Variants in MTFR2 observed in about 807,000 individuals in gnomAD.
The protein encoded by MTFR2 is DUF729 domain-containing protein 1.
A neutral mutation model predicts 41.2 loss-of-function variants in MTFR2; 44 were observed. The ratio of observed to expected loss-of-function variants is 1.07; its 90% CI spans 0.84 to 1.37. MTFR2 has a LOEUF of 1.37. Among genes scored for constraint, MTFR2 ranks in the 40% most tolerant of loss-of-function variants. The pLI is 0.00. For synonymous variants in MTFR2, 141 were observed against 154.6 expected, an observed-to-expected ratio of 0.91 and a Z score of 0.65; for missense variants, 452 against 459.5, an observed-to-expected ratio of 0.98 and a Z score of 0.15.
intron 6 of MTFR2, among the ~76,000 whole-genome samples, chr6:136,235,503 G>C (rs761813117): frequency 5.9e-5 from 9 of 152,150 alleles, no homozygotes; most frequent in Non-Finnish European, 1.3e-4. Flanking sequence ...GGACAGAGAA[G>C]AGAGGGGGCT....
At chr6:136,243,281 CATTT>C (rs1388360287) in intron 3 of MTFR2, among the ~76,000 whole-genome samples, 1 of 152,172 alleles carries the variant, frequency 6.6e-6, no homozygotes, top group Non-Finnish European at 1.5e-5. Flanking sequence ...TACCACGTAA[CATTT>C]AGGTCGATCA....
chr6:136,247,362 A>T (rs1780236644), intron 2 of MTFR2: 1 of 352,130 alleles, frequency 2.8e-6, no homozygotes, highest in Admixed American at 4.0e-5. Flanking sequence ...AAAAAAAAAA[A>T]ATCTCTTTTC....
intron 5 of MTFR2, among the ~76,000 whole-genome samples, chr6:136,240,406 T>C (rs1215354209): frequency 6.6e-6 from 1 of 151,570 alleles, no homozygotes; most frequent in East Asian, 1.9e-4. Flanking sequence ...TATGTAAATG[T>C]TATAAATATA....
intron 2 of MTFR2, among the ~76,000 whole-genome samples, chr6:136,246,339 A>G (rs1179361709): frequency 6.6e-6 from 1 of 151,384 alleles, no homozygotes; most frequent in African/African-American, 2.4e-5. Context: ...GCTGGAGTGC[A>G]GGGCATGATC....
chr6:136,239,328 A>C (rs1024911733), intron 6 of MTFR2, 138 bp downstream of exon 6: 3 of 565,738 alleles, frequency 5.3e-6, no homozygotes, highest in African/African-American at 3.8e-5. Context: ...ATTGAATGTC[A>C]TTATCTCTAG....
At chr6:136,236,032 T>G (rs964083947) in intron 6 of MTFR2, among the ~76,000 whole-genome samples, 1 of 152,204 alleles carries the variant, frequency 6.6e-6, no homozygotes, top group African/African-American at 2.4e-5. Flanking sequence ...ACCAGTGGAT[T>G]TAGCCACATG....
At chr6:136,241,903 C>G (rs1583969785) in intron 4 of MTFR2, among the ~76,000 whole-genome samples, 1 of 151,666 alleles carries the variant, frequency 6.6e-6, no homozygotes, top group Non-Finnish European at 1.5e-5. Context: ...ATGGCGAAAC[C>G]CTGTCTCTAC....
At chr6:136,246,842 C>A (rs1171037712) in intron 2 of MTFR2, among the ~76,000 whole-genome samples, 1 of 152,208 alleles carries the variant, frequency 6.6e-6, no homozygotes, top group Admixed American at 6.5e-5. Context: ...TCCATGATGA[C>A]TTCAGCTGGG....
chr6:136,233,511 A>T lies in MTFR2; in HGVS notation c.870-12T>A, dbSNP rs534665585. The T allele has an allele frequency of 4.4e-5, 65 of 1,469,678 alleles. No homozygotes were observed. The African/African-American group carries it at 8.1e-4, about 18-fold the overall frequency. 91.0% of individuals were successfully genotyped at this position (1,469,678 alleles called of 1,614,324 possible). A position where few individuals can be genotyped will look rare whatever the true frequency, so the allele number is the denominator to read the frequency against. On this transcript the variant is annotated splice_polypyrimidine_tract_variant and intron_variant, in intron 6 of 7. Coordinates refer to ENST00000420702, the MANE Select transcript of MTFR2 (RefSeq NM_001099286.3). The stretch of plus-strand genomic sequence containing the variant: ...TACCGCCAGGTGACCTATTTTTTAA[A>T]AAAAAAAATTGAATTTATTAAAACT...
At chr6:136,231,583 A>T (rs1397855376) in intron 7 of MTFR2, among the ~76,000 whole-genome samples, 195 bp from the exon 8 acceptor site, 2 of 150,126 alleles carry the variant, frequency 1.3e-5, no homozygotes, top group African/African-American at 4.9e-5. Flanking sequence ...TGAACGAGAC[A>T]CTCTCAGCGG....
intron 6 of MTFR2, among the ~76,000 whole-genome samples, chr6:136,234,016 C>A (rs9494490): frequency 0.088 from 13,334 of 151,910 alleles, 1,942 homozygotes; most frequent in African/African-American, 0.3. Context: ...GATCATTTGG[C>A]TGGTAATAAG....
chr6:136,246,241 C>A (rs1780208346), intron 2 of MTFR2, among the ~76,000 whole-genome samples: 1 of 152,064 alleles, frequency 6.6e-6, no homozygotes, highest in African/African-American at 2.4e-5. Flanking sequence ...TCCTTCATTG[C>A]CCCTGGCCAT....
rs535712111 is a variant in MTFR2, at chr6:136,249,225, G to C, written c.-54-72C>G. 3.9e-5 allele frequency: 25 copies of C among 634,280 alleles called. 1 individual carries two copies. In the South Asian group the frequency reaches 5.3e-4, roughly 13 times the overall value. 39.3% of individuals were successfully genotyped at this position (634,280 alleles called of 1,614,324 possible). Reference sequence around the variant, plus strand: ...AAATTGTACTACATAACCTGGAAAAGTCCTCTTGATACACGACACAGTCAA... The same window carrying C: ...AAATTGTACTACATAACCTGGAAAACTCCTCTTGATACACGACACAGTCAA... On this transcript the variant is annotated intron_variant, in intron 1 of 7. Transcript: ENST00000420702.
intron 7 of MTFR2, chr6:136,233,110 A>C (rs138229061): frequency 2.0e-5 from 8 of 402,114 alleles, no homozygotes; most frequent in African/African-American, 1.2e-4. Flanking sequence ...TTTCAAATTA[A>C]GTATTTTATT....
Position 136,243,418 on chromosome 6 carries a change from A to C in MTFR2, c.169-445T>G, listed in dbSNP as rs182286258. ...GAGTGTATTCCTTCTACTTAAAAAG[A>C]AAAGTTGGCTGGGCATGGTGGTGCA... On this transcript the variant is annotated intron_variant, in intron 3 of 7. Coordinates refer to ENST00000420702, the MANE Select transcript of MTFR2 (RefSeq NM_001099286.3). Among the ~76,000 whole-genome samples, 67 of 152,312 alleles carry C rather than the reference A, an allele frequency of 4.4e-4. 1 individual carries two copies. In the East Asian group the frequency reaches 9.4e-3, roughly 21 times the overall value.
At chr6:136,236,566 G>A (rs555627387) in intron 6 of MTFR2, among the ~76,000 whole-genome samples, 115 of 152,244 alleles carry the variant, frequency 7.6e-4, no homozygotes, top group African/African-American at 2.5e-3. Context: ...TACTAAGCCC[G>A]ACAACACAAG....
At position 136,239,691 on chromosome 6, in the gene MTFR2, G is replaced by A. The variant is rs1307752952; in HGVS notation, c.644C>T (p.Pro215Leu). Residue 215 changes from proline to leucine, a missense_variant, in exon 6 of 8, where the codon CCT becomes CTT. Pro to Leu is a moderately conservative substitution (Grantham distance 98). Transcript: ENST00000420702. Reference sequence around the variant, plus strand: ...TGGCTGGAGAGATGAAAACTGAGGAGGAAGTGGTGGAGGAGGAGGAGGAGA... The same window carrying A: ...TGGCTGGAGAGATGAAAACTGAGGAAGAAGTGGTGGAGGAGGAGGAGGAGA... Reference protein sequence around the residue: ...VLSPPPPPPLPPQFSSLQPPC... With the variant: ...VLSPPPPPPLLPQFSSLQPPC... The A allele has an allele frequency of 3.1e-6, 5 of 1,614,102 alleles. No homozygotes were observed. The highest frequency in any genetic ancestry group is 3.4e-6 in the Non-Finnish European group (4 of 1,180,018).
At chr6:136,240,927 T>C (rs569659609) in intron 5 of MTFR2, among the ~76,000 whole-genome samples, 10 of 152,078 alleles carry the variant, frequency 6.6e-5, no homozygotes, top group South Asian at 6.2e-4. Flanking sequence ...CCGTCTCTAC[T>C]AAAAATACAA....
In MTFR2 at chr6:136,242,981, A is replaced by C. The variant is rs1358938117; in HGVS notation, c.169-8T>G. Reference sequence around the variant, plus strand: ...GTTCAAGAGCGGGATCAACTAAAGTAAAAAAAGAAAAAAATAGTCAGAGCT... The same window carrying C: ...GTTCAAGAGCGGGATCAACTAAAGTCAAAAAAGAAAAAAATAGTCAGAGCT... On this transcript the variant is annotated splice_region_variant and splice_polypyrimidine_tract_variant and intron_variant, in intron 3 of 7. Transcript: ENST00000420702. 1 of 1,580,342 alleles carries C rather than the reference A, an allele frequency of 6.3e-7. No individual in the cohort carries two copies. Among genetic ancestry groups the C allele is most frequent in the African/African-American group, 1.4e-5 (1 of 72,740 alleles).
Sources: gnomAD v4.1 joint callset for allele counts (sites outside exome capture counted in the v4.1 genomes callset) on GRCh38, gnomAD v4.1.1 for gene constraint, MANE v1.5 for transcripts, NCBI Gene and HGNC (gene_info 2026-07-23, HGNC 2026-07-21) for gene names.